SLC24A2: variants seen among roughly 807,000 people sequenced by gnomAD.
SLC24A2 encodes the protein sodium/potassium/calcium exchanger 2.
In SLC24A2, 36 loss-of-function variants were observed where a neutral mutation model predicts 62.0. That is an observed-to-expected ratio of 0.58 (90% CI 0.44 to 0.77). The LOEUF is 0.77. SLC24A2 is among the 30% of genes least tolerant of loss of function. SLC24A2 has a pLI of 0.00. For synonymous variants in SLC24A2, 358 were observed against 294.0 expected (o/e 1.22, Z -2.23); for missense variants, 846 against 817.9 (o/e 1.03, Z -0.42).
intron 2 of SLC24A2, among the ~76,000 whole-genome samples, chr9:19,752,315 T>A (rs1005757119): frequency 3.9e-5 from 6 of 151,960 alleles, no homozygotes; most frequent in African/African-American, 1.2e-4. Context: ...TGGTCAAACA[T>A]GGGGCAACAA....
At chr9:19,529,915 A>C (rs1833620394) in intron 8 of SLC24A2, among the ~76,000 whole-genome samples, 1 of 151,144 alleles carries the variant, frequency 6.6e-6, no homozygotes, top group Admixed American at 6.6e-5. Context: ...ACACCCCACT[A>C]ATTTTTTTGT....
At chr9:20,072,177 T>C in the SLC24A2 span, among the ~76,000 whole-genome samples, 5 of 152,094 alleles carry the variant, frequency 3.3e-5, no homozygotes, top group Non-Finnish European at 7.4e-5. Flanking sequence ...GCATGGATAA[T>C]GGTGTCAAAA....
chr9:20,148,996 T>C, the SLC24A2 span, among the ~76,000 whole-genome samples: 2 of 152,102 alleles, frequency 1.3e-5, no homozygotes, highest in Non-Finnish European at 1.5e-5. Flanking sequence ...GGGGGTTTTC[T>C]TCAACATGGA....
At chr9:19,930,113 G>A in the SLC24A2 span, among the ~76,000 whole-genome samples, 493 of 152,240 alleles carry the variant, frequency 3.2e-3, 2 homozygotes, top group Admixed American at 5.6e-3. Flanking sequence ...TACATTTAGT[G>A]TAGCCTAATT....
chr9:20,205,681 A>C, the SLC24A2 span, among the ~76,000 whole-genome samples: 1 of 151,544 alleles, frequency 6.6e-6, no homozygotes, highest in African/African-American at 2.4e-5. Flanking sequence ...AAAACAAACA[A>C]AAAAACGTTT....
At position 19,632,098 on chromosome 9, in the gene SLC24A2, G is replaced by C. The variant is rs1401152543; in HGVS notation, c.931-9799C>G. 1.3e-5 allele frequency among the ~76,000 whole-genome samples: 2 copies of C among 152,182 alleles called. No homozygotes were observed. Among genetic ancestry groups the C allele is most frequent in the South Asian group, 2.1e-4 (1 of 4,830 alleles). ...ACTAGGAGTCCCATTAGTGGGGCTTGACATGAGGACAGTTACCTTCTCAAT... is the reference window on the plus strand; with the variant it reads ...ACTAGGAGTCCCATTAGTGGGGCTTCACATGAGGACAGTTACCTTCTCAAT... On this transcript the variant is annotated intron_variant, in intron 2 of 10. Transcript: ENST00000341998. This position sits in a 1 kb window ranked among gnomAD's most constrained non-coding sequence, Gnocchi z 4.5.
chr9:20,196,445 G>A, the SLC24A2 span, among the ~76,000 whole-genome samples: 1 of 152,140 alleles, frequency 6.6e-6, no homozygotes, highest in African/African-American at 2.4e-5. Context: ...ATATGTAATT[G>A]ATTTTTTTAA....
the SLC24A2 span, among the ~76,000 whole-genome samples, chr9:20,217,082 T>C: frequency 6.6e-6 from 1 of 151,978 alleles, no homozygotes; most frequent in East Asian, 1.9e-4. Flanking sequence ...CCATCACCAA[T>C]AGAATGAATA....
At chr9:20,096,352 A>G in the SLC24A2 span, among the ~76,000 whole-genome samples, 1 of 152,090 alleles carries the variant, frequency 6.6e-6, no homozygotes, top group African/African-American at 2.4e-5. Flanking sequence ...ATCTTCTTAT[A>G]TGTATCACTG....
At chr9:19,534,851 T>A (rs908780816) in intron 8 of SLC24A2, among the ~76,000 whole-genome samples, 1 of 152,240 alleles carries the variant, frequency 6.6e-6, no homozygotes, top group Non-Finnish European at 1.5e-5. Flanking sequence ...TAGAATGATT[T>A]ATAATCCTTT....
intron 2 of SLC24A2, among the ~76,000 whole-genome samples, chr9:19,714,069 C>G (rs974460642): frequency 6.6e-6 from 1 of 152,168 alleles, no homozygotes. Context: ...GATATATTAA[C>G]TAGAATTTTT....
chr9:19,704,055 C>G (rs1159654321), intron 2 of SLC24A2, among the ~76,000 whole-genome samples: 1 of 152,152 alleles, frequency 6.6e-6, no homozygotes, highest in South Asian at 2.1e-4. Flanking sequence ...TGCATCAATA[C>G]TGGGGACCCT....
At chr9:19,805,425 A>G in the SLC24A2 span, among the ~76,000 whole-genome samples, 2 of 152,180 alleles carry the variant, frequency 1.3e-5, no homozygotes, top group Non-Finnish European at 2.9e-5. Context: ...CCCAACAATG[A>G]TATTATGCAG....
intron 8 of SLC24A2, among the ~76,000 whole-genome samples, chr9:19,545,637 T>C (rs533535505): frequency 8.3e-4 from 125 of 150,456 alleles, no homozygotes; most frequent in Non-Finnish European, 1.6e-3. Flanking sequence ...TATTTTTTAG[T>C]TTTTTTTTCT....
chr9:19,689,990 A>G (rs1819996405), intron 2 of SLC24A2, among the ~76,000 whole-genome samples: 3 of 152,070 alleles, frequency 2.0e-5, no homozygotes, highest in Admixed American at 6.6e-5. Context: ...TGGAACCTTG[A>G]TCTTTTACTG....
At chr9:19,610,661 C>T (rs1360353021) in intron 4 of SLC24A2, among the ~76,000 whole-genome samples, 1 of 152,170 alleles carries the variant, frequency 6.6e-6, no homozygotes, top group Non-Finnish European at 1.5e-5. Flanking sequence ...TACATAATAA[C>T]ATCATTGCTG....
At chr9:19,648,078 C>T (rs529867573) in intron 2 of SLC24A2, among the ~76,000 whole-genome samples, 2 of 152,198 alleles carry the variant, frequency 1.3e-5, no homozygotes, top group South Asian at 2.1e-4. Context: ...AAAAATGGTG[C>T]TAACATTAAC....
chr9:20,274,741 G>T, the SLC24A2 span, among the ~76,000 whole-genome samples: 8 of 151,990 alleles, frequency 5.3e-5, no homozygotes, highest in Non-Finnish European at 1.0e-4. Context: ...GTCCCTCTTT[G>T]TCCCCCAAGG....
At chr9:20,050,101 C>T in the SLC24A2 span, among the ~76,000 whole-genome samples, 2,788 of 151,984 alleles carry the variant, frequency 0.018, 81 homozygotes, top group African/African-American at 0.064. Flanking sequence ...TGCTCCCCAC[C>T]GCCCCACCAA....
Sources: gnomAD v4.1 joint callset for allele counts (sites outside exome capture counted in the v4.1 genomes callset) on GRCh38, gnomAD v4.1.1 for gene constraint, Gnocchi (gnomAD v3.1) non-coding constraint, MANE v1.5 for transcripts, NCBI Gene and HGNC (gene_info 2026-07-23, HGNC 2026-07-21) for gene names.